The following PCDHA6 variants were observed in gnomAD, a reference collection of about 807,000 sequenced individuals.
The protein encoded by PCDHA6 is protocadherin alpha-6.
In PCDHA6, 55 loss-of-function variants were observed where a neutral mutation model predicts 60.3. The ratio of observed to expected loss-of-function variants is 0.91; its 90% CI spans 0.73 to 1.14. The LOEUF (loss-of-function observed/expected upper bound fraction) is 1.14. Among genes scored for constraint, PCDHA6 ranks in the 50% most tolerant of loss-of-function variants. PCDHA6 has a pLI of 0.00. For missense variants in PCDHA6, 1,327 were observed against 1,256.5 expected (o/e 1.06, Z -0.85); for synonymous variants, 652 against 557.9 (o/e 1.17, Z -2.38).
rs1446596900 is a variant in PCDHA6 at position 140,900,305 on chromosome 5, C to T, written c.2394+69820C>T. On this transcript the variant is annotated intron_variant, in intron 1 of 3. Transcript: ENST00000529310. ...TTTCTTTTCTGTTTTTTTAGACAGTCTCACTTTTGTCGCCCAGGCTGGAGT... is the reference window on the plus strand; with the variant it reads ...TTTCTTTTCTGTTTTTTTAGACAGTTTCACTTTTGTCGCCCAGGCTGGAGT... Among the ~76,000 whole-genome samples the T allele has an allele frequency of 1.3e-4, 20 of 151,754 alleles. No homozygotes were observed. In the East Asian group the frequency reaches 3.9e-3, roughly 30 times the overall value.
At chr5:140,877,549 C>T in intron 1 of PCDHA6, 1 of 1,613,788 alleles carries the variant, frequency 6.2e-7, no homozygotes, top group Non-Finnish European at 8.5e-7. Flanking sequence ...CGAAGCGGCT[C>T]TGGTGGATAT....
At chr5:140,929,678 T>C in intron 1 of PCDHA6, 1 of 305,066 alleles carries the variant, frequency 3.3e-6, no homozygotes, top group East Asian at 5.8e-5. Flanking sequence ...ATGAAAAATA[T>C]GTAAGAGTCT....
At chr5:140,862,566 T>G in intron 1 of PCDHA6, 4 of 478,186 alleles carry the variant, frequency 8.4e-6, no homozygotes, top group South Asian at 4.9e-5. Context: ...TGAACCACAA[T>G]GCCCTGGCGT....
intron 1 of PCDHA6, among the ~76,000 whole-genome samples, chr5:140,913,292 T>G (rs1252467748): frequency 6.6e-6 from 1 of 152,184 alleles, no homozygotes; most frequent in African/African-American, 2.4e-5. Flanking sequence ...AGGTTTTAAT[T>G]TCTTCATAGA....
chr5:140,917,323 G>C (rs1363512198), intron 1 of PCDHA6, among the ~76,000 whole-genome samples: 1 of 147,758 alleles, frequency 6.8e-6, no homozygotes, highest in African/African-American at 2.5e-5. Context: ...TGTTCATGTG[G>C]CGGGGGAGGG....
At chr5:140,882,655 C>T in intron 1 of PCDHA6, 5 of 1,614,196 alleles carry the variant, frequency 3.1e-6, no homozygotes, top group Non-Finnish European at 4.2e-6. Context: ...TTAACGACAA[C>T]CCGCCCATAT....
chr5:140,869,374 G>A, intron 1 of PCDHA6: 1 of 1,614,124 alleles, frequency 6.2e-7, no homozygotes, highest in Non-Finnish European at 8.5e-7. Context: ...TTCTCGGATC[G>A]ACCGCGAGGA....
chr5:140,877,818 T>G (rs1207543793), intron 1 of PCDHA6: 3 of 1,608,774 alleles, frequency 1.9e-6, no homozygotes, highest in African/African-American at 2.7e-5. Context: ...CTCGAGAAGA[T>G]TGTTTAAATC....
rs782681619 is a variant in PCDHA6, at chr5:141,009,600, A to G, written c.2543-27A>G. On this transcript the variant is annotated intron_variant, in intron 3 of 3. Coordinates refer to ENST00000529310, the MANE Select transcript of PCDHA6 (RefSeq NM_018909.4). ...ATCAAGAGCATGTGTTGACCCTGTT[A>G]ATGATTTGTAATGTTTTGTCTTTCA... The G allele has an allele frequency of 1.9e-6, 3 of 1,607,002 alleles. No individual in the cohort carries two copies. In the Admixed American group the frequency reaches 5.0e-5, roughly 27 times the overall value.
At chr5:140,932,707 A>G (rs147056775) in intron 1 of PCDHA6, among the ~76,000 whole-genome samples, 1 of 152,086 alleles carries the variant, frequency 6.6e-6, no homozygotes, top group African/African-American at 2.4e-5. Flanking sequence ...CATATAGACA[A>G]CACAATAATA....
In PCDHA6 at chr5:140,829,646, G is replaced by T. The variant is rs199727548; in HGVS notation, c.1555G>T (p.Ala519Ser). The T allele has an allele frequency of 5.0e-6, 8 of 1,612,258 alleles. No homozygotes were observed. Among genetic ancestry groups the T allele is most frequent in the Non-Finnish European group, 5.9e-6 (7 of 1,179,822 alleles). Residue 519 changes from alanine (A) to serine (S), a missense_variant, in exon 1 of 4, where the codon GCG becomes TCG. Physicochemically the swap from Ala to Ser is moderately conservative, Grantham distance 99. Transcript: ENST00000529310. Reference sequence around the variant, plus strand: ...GCACGCGGAGAGCGGCAAGGTGTACGCGCTGCAGCCGCTGGACCACGAGGA... The same window carrying T: ...GCACGCGGAGAGCGGCAAGGTGTACTCGCTGCAGCCGCTGGACCACGAGGA... ...SVHAESGKVY[A>S]LQPLDHEELE...
chr5:140,962,061 T>C (rs1554225775), intron 1 of PCDHA6, among the ~76,000 whole-genome samples: 2 of 151,824 alleles, frequency 1.3e-5, no homozygotes, highest in Non-Finnish European at 1.5e-5. Context: ...TTTTTTTGTA[T>C]TTTTTAGTAG....
intron 1 of PCDHA6, among the ~76,000 whole-genome samples, chr5:140,956,034 A>C (rs1274584028): frequency 1.3e-5 from 2 of 152,200 alleles, no homozygotes; most frequent in Non-Finnish European, 2.9e-5. Flanking sequence ...TTATCAGCTT[A>C]AGAAGCTTTT....
In PCDHA6 at chr5:140,877,377, C is replaced by A. The variant is rs575601254; in HGVS notation, c.2394+46892C>A. 8.1e-6 allele frequency: 13 copies of A among 1,614,008 alleles called. No homozygotes were observed. The South Asian group carries it at 1.1e-4, about 14-fold the overall frequency. ...ACACTGGCGAGATCAGCACGACACG[C>A]ATCCTGGATGAGGCGGACGCTCCGC... On this transcript the variant is annotated intron_variant, in intron 1 of 3. Transcript: ENST00000529310.
intron 1 of PCDHA6, chr5:140,853,593 G>C (rs2042798259): frequency 1.0e-6 from 1 of 986,850 alleles, no homozygotes; most frequent in Admixed American, 6.3e-5. Flanking sequence ...TAGACACTTT[G>C]AGAGCAAAGG....
chr5:140,830,218 C>A lies in PCDHA6; in HGVS notation c.2127C>A (p.Ser709Arg). 2 of 1,613,882 alleles carry A rather than the reference C, an allele frequency of 1.2e-6. No individual in the cohort carries two copies. Among genetic ancestry groups the A allele is most frequent in the Non-Finnish European group, 1.7e-6 (2 of 1,179,902 alleles). ...YLIIAICAVS[S>R]LLVLTLLLYT... is the part of the protein sequence containing the mutation. Reference sequence around the variant, plus strand: ...TCATCGCCATCTGCGCGGTATCCAGCCTGCTGGTCCTCACGCTACTGCTGT... The same window carrying A: ...TCATCGCCATCTGCGCGGTATCCAGACTGCTGGTCCTCACGCTACTGCTGT... Residue 709 changes from serine (S) to arginine (R), a missense_variant, in exon 1 of 4, where the codon AGC (serine) becomes AGA (arginine). By Grantham distance (110) the Ser-to-Arg change is moderately radical (BLOSUM62 -1). Transcript: ENST00000529310.
At chr5:140,985,103 A>C (rs1342526252) in intron 3 of PCDHA6, among the ~76,000 whole-genome samples, 1 of 151,694 alleles carries the variant, frequency 6.6e-6, no homozygotes, top group Admixed American at 6.6e-5. Context: ...AAGCCTGGCT[A>C]ATTTTTTGTG....
rs201231291 is a variant in PCDHA6, at chr5:140,849,957, G to A, written c.2394+19472G>A. On this transcript the variant is annotated intron_variant, in intron 1 of 3. Transcript: ENST00000529310. ...GCGGGACGCTGACGCGCAGGAGAAC[G>A]CCCTGGTGTCCTACTCGCTGGTGGA... The A allele has an allele frequency of 3.1e-6, 5 of 1,597,800 alleles. 1 individual carries two copies. The highest frequency in any genetic ancestry group is 3.4e-6 in the Non-Finnish European group (4 of 1,167,908).
chr5:140,876,194 C>G (rs782432614), intron 1 of PCDHA6: 38 of 1,613,742 alleles, frequency 2.4e-5, no homozygotes, highest in Non-Finnish European at 2.9e-5. Context: ...AATGGTCCGG[C>G]GTTTGATAAG....
Sources: gnomAD v4.1 joint callset for allele counts (sites outside exome capture counted in the v4.1 genomes callset) on GRCh38, gnomAD v4.1.1 for gene constraint, MANE v1.5 for transcripts, NCBI Gene and HGNC (gene_info 2026-07-23, HGNC 2026-07-21) for gene names.